KIF6: variants seen among roughly 807,000 people sequenced by gnomAD.
The protein encoded by KIF6 is kinesin-like protein KIF6.
Under a neutral mutation model 112.7 loss-of-function variants are expected in KIF6, and 106 were observed. The observed-to-expected ratio is 0.94, with a 90% CI of 0.80 to 1.11. KIF6 has a LOEUF of 1.11. Ranked by LOEUF, KIF6 falls within the 50% of genes least tolerant of loss-of-function variation. The probability of loss-of-function intolerance (pLI) is 0.00; values close to 1 mark genes in which losing one functional copy is unlikely to be tolerated. For synonymous variants in KIF6, 339 were observed against 339.9 expected, an observed-to-expected ratio of 1.00 and a Z score of 0.03; for missense variants, 929 against 964.0, an observed-to-expected ratio of 0.96 and a Z score of 0.48.
intron 3 of KIF6, 151 bp downstream of exon 3, chr6:39,714,541 T>A: frequency 1.7e-6 from 1 of 587,554 alleles, no homozygotes; most frequent in Non-Finnish European, 3.1e-6. Flanking sequence ...CAAATGGTTA[T>A]AGGAACAGAA....
intron 13 of KIF6, among the ~76,000 whole-genome samples, chr6:39,507,339 T>C (rs1020435132): frequency 3.3e-5 from 5 of 152,174 alleles, no homozygotes; most frequent in Non-Finnish European, 5.9e-5. Context: ...AGAAGTGTTG[T>C]ATGAGTACAG....
chr6:39,352,578 G>T (rs915936521), intron 19 of KIF6, among the ~76,000 whole-genome samples: 4 of 150,038 alleles, frequency 2.7e-5, no homozygotes, highest in Non-Finnish European at 5.9e-5. Flanking sequence ...TGCATTGCAG[G>T]TTCATCACTT....
intron 15 of KIF6, among the ~76,000 whole-genome samples, chr6:39,410,899 AC>A (rs1769427642): frequency 1.3e-5 from 2 of 152,152 alleles, no homozygotes; most frequent in African/African-American, 4.8e-5. Flanking sequence ...TGCCTAGGTG[AC>A]CACTTTCTGA....
At chr6:39,438,739 G>A (rs889547621) in intron 13 of KIF6, among the ~76,000 whole-genome samples, 6 of 152,198 alleles carry the variant, frequency 3.9e-5, no homozygotes, top group Admixed American at 6.5e-5. Context: ...TGTAGCTTAA[G>A]TGTACAGTGT....
chr6:39,467,471 C>T (rs1773859387), intron 13 of KIF6, among the ~76,000 whole-genome samples: 1 of 151,930 alleles, frequency 6.6e-6, no homozygotes, highest in African/African-American at 2.4e-5. Flanking sequence ...CAAAGGCAGT[C>T]AGCTTAGCAG....
At chr6:39,592,036 C>T (rs111237201) in intron 7 of KIF6, among the ~76,000 whole-genome samples, 3,288 of 152,178 alleles carry the variant, frequency 0.022, 59 homozygotes, top group Non-Finnish European at 0.032. Flanking sequence ...GGCAAGAACC[C>T]GGGAGATGGA....
chr6:39,510,774 C>T (rs1181564127), intron 13 of KIF6, among the ~76,000 whole-genome samples: 1 of 147,364 alleles, frequency 6.8e-6, no homozygotes, highest in African/African-American at 2.5e-5. Context: ...AGTCAAGACC[C>T]ATTGGTGTGC....
chr6:39,684,674 C>T (rs1437790318), intron 3 of KIF6, among the ~76,000 whole-genome samples: 1 of 150,794 alleles, frequency 6.6e-6, no homozygotes, highest in Non-Finnish European at 1.5e-5. Flanking sequence ...CCTGTAATCC[C>T]AGCTACTCTG....
intron 12 of KIF6, among the ~76,000 whole-genome samples, chr6:39,542,342 CT>C (rs1778834275): frequency 6.6e-6 from 1 of 152,116 alleles, no homozygotes. Context: ...ATGGATCCCC[CT>C]GTCATATATT....
At chr6:39,508,153 T>C (rs1454770255) in intron 13 of KIF6, among the ~76,000 whole-genome samples, 2 of 151,710 alleles carry the variant, frequency 1.3e-5, no homozygotes, top group Non-Finnish European at 2.9e-5. Context: ...GTGTGGTCCA[T>C]GTGTTAGCAA....
chr6:39,337,225 T>TTCTTTCTTTCTTTCTTTCTTTCTC lies in KIF6; in HGVS notation c.2429-678_2429-677insGAGAAAGAAAGAAAGAAAGAAAGA, dbSNP rs1562102921. Among the ~76,000 whole-genome samples the TTCTTTCTTTCTTTCTTTCTTTCTC allele has an allele frequency of 1.9e-4, 21 of 111,246 alleles. 1 individual carries two copies. The highest frequency in any genetic ancestry group is 9.5e-4 in the Admixed American group (11 of 11,544). The allele number at this position is 111,246 out of a possible 152,430, so 73.0% of individuals were successfully genotyped here. ...TTTCTTTCTTTCTTTCTTTCTTTCT[T>TTCTTTCTTTCTTTCTTTCTTTCTC]TCTTTCTTTCTTTTTCTTTCTTTTC... On this transcript the variant is annotated intron_variant, in intron 22 of 22. Transcript: ENST00000287152.
intron 3 of KIF6, among the ~76,000 whole-genome samples, chr6:39,689,707 G>T (rs868697265): frequency 6.6e-6 from 1 of 151,814 alleles, no homozygotes. Flanking sequence ...TGGACTCAAG[G>T]GATCCTCCCC....
rs193220330 is a variant in KIF6, at chr6:39,651,433, G to A, written c.252-11676C>T. 3.3e-4 allele frequency among the ~76,000 whole-genome samples: 50 copies of A among 152,286 alleles called. 1 individual carries two copies. In the East Asian group the frequency reaches 8.1e-3, roughly 25 times the overall value. On this transcript the variant is annotated intron_variant, in intron 3 of 22. Coordinates refer to ENST00000287152, the MANE Select transcript of KIF6 (RefSeq NM_145027.6). ...CGGGGGAGGGTAGCAGGTGGCTGCC[G>A]TCAGTGTGGTGGGTGCTGAGAGAAG... is the stretch of plus-strand genomic sequence containing the variant.
intron 3 of KIF6, among the ~76,000 whole-genome samples, chr6:39,702,385 C>T (rs1048219976): frequency 1.3e-5 from 2 of 152,166 alleles, no homozygotes; most frequent in Non-Finnish European, 2.9e-5. Context: ...ACTCAGATTC[C>T]TTCGGCCATG....
chr6:39,365,868 C>T lies in KIF6; in HGVS notation c.1862-3350G>A, dbSNP rs1581686313. 3.3e-5 allele frequency among the ~76,000 whole-genome samples: 5 copies of T among 152,164 alleles called. No individual in the cohort carries two copies. In the South Asian group the frequency reaches 6.2e-4, roughly 19 times the overall value. The stretch of plus-strand genomic sequence containing the variant: ...TGGACTCACACAGGGCCATCTCACC[C>T]GGCCAGAAGAGGCAGTCTCCAGGCC... On this transcript the variant is annotated intron_variant, in intron 16 of 22. Transcript: ENST00000287152.
chr6:39,484,724 G>C (rs1255206094), intron 13 of KIF6, among the ~76,000 whole-genome samples: 1 of 152,134 alleles, frequency 6.6e-6, no homozygotes, highest in Non-Finnish European at 1.5e-5. Flanking sequence ...ATAAACCTTG[G>C]GGCTATTTTT....
chr6:39,410,026 G>A (rs923493989), intron 15 of KIF6, among the ~76,000 whole-genome samples: 8 of 152,240 alleles, frequency 5.3e-5, no homozygotes, highest in African/African-American at 1.9e-4. Flanking sequence ...AGTCAGTGGA[G>A]CACAGTTCCT....
At chr6:39,544,042 G>T (rs1364235902) in intron 12 of KIF6, among the ~76,000 whole-genome samples, 1 of 152,206 alleles carries the variant, frequency 6.6e-6, no homozygotes, top group Non-Finnish European at 1.5e-5. Flanking sequence ...TAAATAAAAA[G>T]TTACATTTAA....
At chr6:39,480,670 T>C (rs1051721424) in intron 13 of KIF6, among the ~76,000 whole-genome samples, 25 of 152,200 alleles carry the variant, frequency 1.6e-4, no homozygotes, top group African/African-American at 3.6e-4. Flanking sequence ...AATTCAGCTG[T>C]GAGTCTATCT....
Sources: allele counts gnomAD v4.1 joint callset (sites outside exome capture counted in the v4.1 genomes callset), GRCh38; gene constraint gnomAD v4.1.1; transcripts MANE v1.5; gene names NCBI Gene and HGNC (gene_info 2026-07-23, HGNC 2026-07-21).